The following FER1L6 variants were observed in gnomAD, a reference collection of about 807,000 sequenced individuals.
FER1L6 encodes fer-1 like family member 6.
A neutral mutation model predicts 219.2 loss-of-function variants in FER1L6; 177 were observed. That is an observed-to-expected ratio of 0.81 (90% CI 0.71 to 0.91). The LOEUF (loss-of-function observed/expected upper bound fraction) is 0.91. Ranked by LOEUF, FER1L6 falls within the 40% of genes least tolerant of loss-of-function variation. The probability of loss-of-function intolerance (pLI) is 0.00; values close to 1 mark genes in which losing one functional copy is unlikely to be tolerated. For missense variants in FER1L6, 2,153 were observed against 2,259.9 expected (o/e 0.95, Z 0.96); for synonymous variants, 768 against 824.3 (o/e 0.93, Z 1.17).
chr8:123,920,542 G>A (rs1464679826), intron 1 of FER1L6, among the ~76,000 whole-genome samples: 1 of 152,256 alleles, frequency 6.6e-6, no homozygotes, highest in Non-Finnish European at 1.5e-5. Context: ...AGCTCGGCCA[G>A]GAGGGCCCAC....
intron 33 of FER1L6, among the ~76,000 whole-genome samples, chr8:124,083,006 A>ATG (rs1365169868): frequency 2.8e-5 from 1 of 35,856 alleles, no homozygotes; most frequent in East Asian, 3.7e-4. Context: ...TGTATATATT[A>ATG]TATACACACA....
intron 22 of FER1L6, among the ~76,000 whole-genome samples, chr8:124,057,168 G>A (rs1042343019): frequency 8.5e-5 from 13 of 152,304 alleles, no homozygotes; most frequent in Admixed American, 6.5e-4. Flanking sequence ...TAGTGGTTCT[G>A]GCTTTGCCAT....
intron 2 of FER1L6, 27 bp downstream of exon 2, chr8:123,956,101 A>G: frequency 3.8e-6 from 6 of 1,593,958 alleles, no homozygotes; most frequent in Non-Finnish European, 5.1e-6. Flanking sequence ...GGTGCTGACC[A>G]TTGGGGCCTG....
intron 1 of FER1L6, among the ~76,000 whole-genome samples, chr8:123,905,898 CA>C (rs989385673): frequency 6.6e-6 from 1 of 152,088 alleles, no homozygotes; most frequent in Non-Finnish European, 1.5e-5. Context: ...TAAACAACAA[CA>C]AAAAATTCCT....
chr8:123,988,484 T>G (rs1242627349), intron 12 of FER1L6, among the ~76,000 whole-genome samples: 1 of 152,214 alleles, frequency 6.6e-6, no homozygotes, highest in Non-Finnish European at 1.5e-5. Context: ...TTTTTTTGTG[T>G]CCTCTTCAAT....
chr8:124,083,018 A>AGGGG (rs1821629015), intron 33 of FER1L6, among the ~76,000 whole-genome samples: 1 of 77,260 alleles, frequency 1.3e-5, no homozygotes, highest in East Asian at 2.8e-4. Context: ...ATACACACAC[A>AGGGG]TATGGGGTAT....
chr8:123,968,562 C>G (rs561355974), intron 5 of FER1L6, among the ~76,000 whole-genome samples: 27 of 152,330 alleles, frequency 1.8e-4, no homozygotes, highest in African/African-American at 6.0e-4. Flanking sequence ...AAGGAAGCCA[C>G]AGCATCTGGT....
intron 13 of FER1L6, among the ~76,000 whole-genome samples, chr8:124,008,615 A>G (rs1353069578): frequency 6.6e-6 from 1 of 152,252 alleles, no homozygotes; most frequent in East Asian, 1.9e-4. Context: ...CAAATGCAAC[A>G]AAAACAAAGA....
At chr8:124,023,302 G>A (rs1006100370) in intron 17 of FER1L6, 142 bp from the exon 18 acceptor site, 15 of 769,284 alleles carry the variant, frequency 1.9e-5, no homozygotes, top group Non-Finnish European at 2.7e-5. Context: ...AGATGTTTCA[G>A]TGCCTAGATG....
chr8:123,977,311 G>T, intron 9 of FER1L6, 106 bp from the exon 10 acceptor site: 5 of 1,166,508 alleles, frequency 4.3e-6, no homozygotes, highest in Middle Eastern at 3.0e-4. Context: ...TCAGAAGCAG[G>T]TTCATTATCT....
chr8:124,071,267 A>T (rs748008896), intron 30 of FER1L6, among the ~76,000 whole-genome samples: 1 of 152,218 alleles, frequency 6.6e-6, no homozygotes, highest in Admixed American at 6.5e-5. Context: ...TGTTCTTCAT[A>T]TAACAGTCCT....
At position 123,963,363 on chromosome 8, in the gene FER1L6, T is replaced by C; in HGVS notation, c.162T>C (p.Ser54=). Residue 54 remains serine, a synonymous_variant, in exon 3 of 41, where the codon TCT becomes TCC. Coordinates refer to ENST00000522917, the MANE Select transcript of FER1L6 (RefSeq NM_001039112.2). ...GAGATTTGGTCCATGATGATGCTTC[T>C]ATCTTTCCTGTCCCCTCAGCTTCTC... ...PRGDLVHDDA[S]IFPVPSASPK... is the part of the protein sequence containing the mutation. The C allele has an allele frequency of 6.2e-7, 1 of 1,614,178 alleles. No homozygotes were observed.
intron 29 of FER1L6, among the ~76,000 whole-genome samples, chr8:124,070,122 C>T (rs757938866): frequency 5.3e-5 from 8 of 152,094 alleles, no homozygotes; most frequent in African/African-American, 9.7e-5. Context: ...ATTTAATGAA[C>T]ATTATTGATT....
chr8:123,979,058 T>G (rs2130323020), intron 10 of FER1L6, among the ~76,000 whole-genome samples: 1 of 152,300 alleles, frequency 6.6e-6, no homozygotes, highest in Middle Eastern at 3.4e-3. Context: ...TTCTTATATT[T>G]AAGTCTACTC....
At chr8:124,119,520 G>T in intron 40 of FER1L6, 87 bp from the exon 41 acceptor site, 1 of 852,478 alleles carries the variant, frequency 1.2e-6, no homozygotes, top group East Asian at 2.4e-5. Flanking sequence ...CTCAGAAAGT[G>T]GGAGTCGGAA....
chr8:123,904,108 G>C (rs921690242), intron 1 of FER1L6, among the ~76,000 whole-genome samples: 1 of 152,106 alleles, frequency 6.6e-6, no homozygotes, highest in Non-Finnish European at 1.5e-5. Flanking sequence ...AGGCCTGAAA[G>C]GGTGTGATTG....
chr8:123,904,007 C>A (rs1812905454), intron 1 of FER1L6, among the ~76,000 whole-genome samples: 1 of 152,202 alleles, frequency 6.6e-6, no homozygotes, highest in Non-Finnish European at 1.5e-5. Context: ...CCGAAGCTGG[C>A]AGTGATAACA....
intron 15 of FER1L6, among the ~76,000 whole-genome samples, chr8:124,016,439 C>T (rs1818203300): frequency 1.3e-5 from 2 of 151,840 alleles, no homozygotes; most frequent in South Asian, 2.1e-4. Context: ...ATCAGAAGTG[C>T]TCATCACTGA....
chr8:124,071,912 A>G (rs1821092012), intron 31 of FER1L6, among the ~76,000 whole-genome samples: 1 of 152,076 alleles, frequency 6.6e-6, no homozygotes, highest in East Asian at 1.9e-4. Flanking sequence ...CTTTTCCTAT[A>G]AAGACACTAG....
Sources: allele counts gnomAD v4.1 joint callset (sites outside exome capture counted in the v4.1 genomes callset), GRCh38; gene constraint gnomAD v4.1.1; transcripts MANE v1.5; gene names NCBI Gene and HGNC (gene_info 2026-07-23, HGNC 2026-07-21).